Variants in SNX31 observed in about 807,000 individuals in gnomAD.
SNX31 encodes the protein sorting nexin 31.
A neutral mutation model predicts 65.4 loss-of-function variants in SNX31; 58 were observed. That is an observed-to-expected ratio of 0.89 (90% CI 0.72 to 1.10). The LOEUF is 1.10. Ranked by LOEUF, SNX31 falls within the 50% of genes least tolerant of loss-of-function variation. The pLI, the probability that SNX31 is intolerant of heterozygous loss-of-function variation, is 0.00. For synonymous variants in SNX31, 181 were observed against 190.1 expected (o/e 0.95, Z 0.39); for missense variants, 523 against 529.7 (o/e 0.99, Z 0.12).
intron 8 of SNX31, among the ~76,000 whole-genome samples, chr8:100,607,707 C>T (rs1427678154): frequency 1.3e-5 from 2 of 152,064 alleles, no homozygotes; most frequent in Non-Finnish European, 2.9e-5. Context: ...AAATAGATAC[C>T]TTATTTACCC....
intron 13 of SNX31, among the ~76,000 whole-genome samples, chr8:100,574,726 G>A (rs1001739396): frequency 1.3e-5 from 2 of 152,054 alleles, no homozygotes; most frequent in Non-Finnish European, 2.9e-5. Flanking sequence ...TTGAGGCCAG[G>A]AGTACGAGAC....
upstream of SNX31, among the ~76,000 whole-genome samples, chr8:100,650,368 A>G (rs1337620834): frequency 6.6e-6 from 1 of 151,990 alleles, no homozygotes; most frequent in African/African-American, 2.4e-5. Flanking sequence ...TCTACCCGTA[A>G]CTCTTCCAGG....
At chr8:100,658,430 C>T (rs545513353) in intron 1 of SNX31, among the ~76,000 whole-genome samples, 6 of 152,302 alleles carry the variant, frequency 3.9e-5, no homozygotes, top group South Asian at 2.1e-4. Flanking sequence ...ACCTACTGAG[C>T]GACAGTGAGT....
At position 100,594,768 on chromosome 8, in the gene SNX31, G is replaced by A. The variant is rs1217801958; in HGVS notation, c.978+1871C>T. ...TTTAAAAAGTAAACATGCAATTACC[G>A]TACGACCCAGCAATTGCACTTGTGG... is the stretch of plus-strand genomic sequence containing the variant. On this transcript the variant is annotated intron_variant, in intron 10 of 13. Coordinates refer to ENST00000311812, the MANE Select transcript of SNX31 (RefSeq NM_152628.4). The surrounding 1 kb of genome is among the most constrained non-coding windows in gnomAD (Gnocchi z 4.0). Among the ~76,000 whole-genome samples, 2 of 152,194 alleles carry A rather than the reference G, an allele frequency of 1.3e-5. No homozygotes were observed. The highest frequency in any genetic ancestry group is 2.4e-5 in the African/African-American group (1 of 41,430).
At chr8:100,581,319 C>CTATATATATA (rs1261112864) in intron 12 of SNX31, among the ~76,000 whole-genome samples, 22 of 123,042 alleles carry the variant, frequency 1.8e-4, no homozygotes, top group African/African-American at 8.2e-4. Context: ...TTTTATATAT[C>CTATATATATA]TATATCTATC....
chr8:100,617,700 A>G lies in SNX31; in HGVS notation c.352T>C (p.Tyr118His). ...TCATTGGGCAGAAATATGTCCAGAT[A>G]AGCTTTCTTGGTGGCGATGTCAAAT... ...NTFDIATKKAYLDIFLPNEQS... is the reference protein window; with the variant it reads ...NTFDIATKKAHLDIFLPNEQS... The change falls in exon 5 of 14, where the codon TAT (tyrosine) becomes CAT (histidine). Residue 118 changes from tyrosine (Y) to histidine (H), a missense_variant. Physicochemically the swap from Tyr to His is moderately conservative, Grantham distance 83 (BLOSUM62 2). Transcript: ENST00000311812. 1 of 1,613,734 alleles carries G rather than the reference A, an allele frequency of 6.2e-7. No homozygotes were observed. The highest frequency in any genetic ancestry group is 1.1e-5 in the South Asian group (1 of 91,054).
intron 2 of SNX31, among the ~76,000 whole-genome samples, chr8:100,647,492 C>G (rs1053751046): frequency 2.8e-4 from 43 of 152,048 alleles, no homozygotes; most frequent in Admixed American, 3.3e-4. Flanking sequence ...AGCATTTTCC[C>G]AAGTCTATTG....
intron 3 of SNX31, among the ~76,000 whole-genome samples, chr8:100,633,768 G>T (rs1818567008): frequency 6.6e-6 from 1 of 151,848 alleles, no homozygotes; most frequent in Non-Finnish European, 1.5e-5. Context: ...ACACACACAA[G>T]GAAAAAAGAA....
rs977362521 is a variant in SNX31, at chr8:100,613,813, G to A, written c.433-728C>T. Reference sequence around the variant, plus strand: ...GCTCCCTTAGCAGAAAATTCTACACGACCACAGGCTTCCTCCCTGCCATCT... The same window carrying A: ...GCTCCCTTAGCAGAAAATTCTACACAACCACAGGCTTCCTCCCTGCCATCT... On this transcript the variant is annotated intron_variant, in intron 5 of 13. Transcript: ENST00000311812. The surrounding 1 kb of genome is among the most constrained non-coding windows in gnomAD (Gnocchi z 5.2). Among the ~76,000 whole-genome samples, 1 of 151,994 alleles carries A rather than the reference G, an allele frequency of 6.6e-6. No individual in the cohort carries two copies. The highest frequency in any genetic ancestry group is 2.4e-5 in the African/African-American group (1 of 41,348).
At chr8:100,644,569 C>G (rs7007518) in intron 2 of SNX31, among the ~76,000 whole-genome samples, 1 of 152,008 alleles carries the variant, frequency 6.6e-6, no homozygotes, top group East Asian at 1.9e-4. Flanking sequence ...GGGAGCCTCA[C>G]TGGGGACAGG....
intron 3 of SNX31, among the ~76,000 whole-genome samples, chr8:100,635,252 T>A (rs114420113): frequency 0.13 from 20,457 of 151,696 alleles, 1,982 homozygotes; most frequent in African/African-American, 0.27. Context: ...ATTTTTATCT[T>A]TTTTAGAGTC....
chr8:100,596,646 G>A lies in SNX31; in HGVS notation c.971C>T (p.Thr324Ile), dbSNP rs1388934806. The stretch of plus-strand genomic sequence containing the variant: ...AGGTGCCAAGATACTCACAAGGAAA[G>A]TGACCTGCCAGCACTTCACCCTGCT... ...QMSRVKCWQV[T>I]FLGTLLDTDG... is the part of the protein sequence containing the mutation. The change falls in exon 10 of 14, where the codon ACT (threonine) becomes ATT (isoleucine). Residue 324 changes from threonine (T) to isoleucine (I), a missense_variant. Thr to Ile is a moderately conservative substitution (Grantham distance 89). Coordinates refer to ENST00000311812, the MANE Select transcript of SNX31 (RefSeq NM_152628.4). The A allele has an allele frequency of 6.2e-7, 1 of 1,613,958 alleles. No individual in the cohort carries two copies. The highest frequency in any genetic ancestry group is 1.3e-5 in the African/African-American group (1 of 74,924).
chr8:100,612,177 T>C lies in SNX31; in HGVS notation c.524-90A>G. On this transcript the variant is annotated intron_variant, in intron 6 of 13. Transcript: ENST00000311812. The surrounding 1 kb of genome is among the most constrained non-coding windows in gnomAD (Gnocchi z 4.3). ...TTCAAATGAGAAAATAAAACCTTAT[T>C]ATTGGAAATAATAAAATCACAGTAA... 1.3e-6 allele frequency: 1 copy of C among 763,118 alleles called. No homozygotes were observed. Among genetic ancestry groups the C allele is most frequent in the South Asian group, 1.7e-5 (1 of 59,456 alleles). The allele number at this position is 763,118 out of a possible 1,614,324, so 47.3% of individuals were successfully genotyped here.
chr8:100,579,719 G>A (rs1813330720), intron 12 of SNX31, among the ~76,000 whole-genome samples: 1 of 152,188 alleles, frequency 6.6e-6, no homozygotes, highest in African/African-American at 2.4e-5. Context: ...TGGTAGTTGA[G>A]GATGGAGTAA....
At chr8:100,651,908 G>T (rs1819981087), upstream of SNX31, among the ~76,000 whole-genome samples, 1 of 152,258 alleles carries the variant, frequency 6.6e-6, no homozygotes, top group Admixed American at 6.5e-5. Flanking sequence ...CCTGTGCTCT[G>T]TGAAGCTGCT....
chr8:100,655,960 A>G (rs1181375489), intron 1 of SNX31, among the ~76,000 whole-genome samples: 1 of 152,230 alleles, frequency 6.6e-6, no homozygotes, highest in Non-Finnish European at 1.5e-5. Flanking sequence ...AAAAGATGGT[A>G]GAACATGAGT....
In SNX31 at chr8:100,613,053, C is replaced by G. The variant is rs1268287949; in HGVS notation, c.465G>C (p.Glu155Asp). 1 of 1,613,944 alleles carries G rather than the reference C, an allele frequency of 6.2e-7. No homozygotes were observed. The highest frequency in any genetic ancestry group is 8.5e-7 in the Non-Finnish European group (1 of 1,180,012). ...VVSHKIGLCRELLGYFGLFLI... is the reference protein window; with the variant it reads ...VVSHKIGLCRDLLGYFGLFLI... ...GAAAGAGGCCGAAGTAGCCCAAGAGCTCTCGACACAGTCCAATTTTGTGTG... is the reference window on the plus strand; with the variant it reads ...GAAAGAGGCCGAAGTAGCCCAAGAGGTCTCGACACAGTCCAATTTTGTGTG... The change falls in exon 6 of 14, where the codon GAG becomes GAC. Residue 155 changes from glutamate to aspartate, a missense_variant. Transcript: ENST00000311812. The surrounding 1 kb of genome is among the most constrained non-coding windows in gnomAD (Gnocchi z 5.2).
In SNX31 at chr8:100,617,702, G is replaced by A. The variant is rs1283604222; in HGVS notation, c.350C>T (p.Ala117Val). 6 of 1,613,236 alleles carry A rather than the reference G, an allele frequency of 3.7e-6. No individual in the cohort carries two copies. The African/African-American group carries it at 8.0e-5, about 22-fold the overall frequency. The change falls in exon 5 of 14, where the codon GCT becomes GTT. Residue 117 changes from alanine (A) to valine (V), a missense_variant. Ala to Val is a moderately conservative substitution (Grantham distance 64). Coordinates refer to ENST00000311812, the MANE Select transcript of SNX31 (RefSeq NM_152628.4). ...LNTFDIATKK[A>V]YLDIFLPNEQ... The stretch of plus-strand genomic sequence containing the variant: ...ATTGGGCAGAAATATGTCCAGATAA[G>A]CTTTCTTGGTGGCGATGTCAAATGT...
rs1817419963 is a variant in SNX31 at position 100,618,395 on chromosome 8, T to C, written c.322-665A>G. 5 of 1,454,718 alleles carry C rather than the reference T, an allele frequency of 3.4e-6. No individual in the cohort carries two copies. In the East Asian group the frequency reaches 9.9e-5, roughly 29 times the overall value. The allele number at this position is 1,454,718 out of a possible 1,614,324, so 90.1% of individuals were successfully genotyped here. ...CCCTGATTTTTTCTGACACTAATTG[T>C]GGGTGGGGGCAGGGGGAAGGTGTTT... On this transcript the variant is annotated intron_variant, in intron 4 of 13. Coordinates refer to ENST00000311812, the MANE Select transcript of SNX31 (RefSeq NM_152628.4).
Sources: allele counts gnomAD v4.1 joint callset (sites outside exome capture counted in the v4.1 genomes callset), GRCh38; gene constraint gnomAD v4.1.1; non-coding constraint Gnocchi (gnomAD v3.1); transcripts MANE v1.5; gene names NCBI Gene and HGNC (gene_info 2026-07-23, HGNC 2026-07-21).